The following LRRC17 variants were observed in gnomAD, a reference collection of about 807,000 sequenced individuals.
LRRC17 encodes the protein leucine rich repeat containing 17.
LRRC17 carries 33 observed loss-of-function variants against 41.5 expected under a neutral mutation model. The ratio of observed to expected loss-of-function variants is 0.80; its 90% CI spans 0.60 to 1.06. The LOEUF (loss-of-function observed/expected upper bound fraction) is 1.06. Among genes scored for constraint, LRRC17 ranks in the 50% least tolerant of loss-of-function variants. LRRC17 has a pLI of 0.00. For synonymous variants in LRRC17, 192 were observed against 197.0 expected (o/e 0.97, Z 0.21); for missense variants, 491 against 519.3 (o/e 0.95, Z 0.53).
At chr7:102,916,618 A>G (rs1471442012) in intron 1 of LRRC17, among the ~76,000 whole-genome samples, 1 of 152,176 alleles carries the variant, frequency 6.6e-6, no homozygotes. Context: ...AATTTTGTGC[A>G]ATACTCATAC....
Position 102,944,839 on chromosome 7 carries a change from G to A in LRRC17, c.*232G>A. The A allele has an allele frequency of 2.4e-6, 1 of 425,240 alleles. No homozygotes were observed. Among genetic ancestry groups the A allele is most frequent in the Non-Finnish European group, 4.1e-6 (1 of 243,586 alleles). 26.3% of individuals were successfully genotyped at this position (425,240 alleles called of 1,614,324 possible). On this transcript the variant is annotated 3_prime_UTR_variant, in exon 4 of 4. Transcript: ENST00000339431. Reference sequence around the variant, plus strand: ...ATCTGGTGATATGCAATTCCACACTGGTAACCTGCAGCAGTTGGGTCCTAA... The same window carrying A: ...ATCTGGTGATATGCAATTCCACACTAGTAACCTGCAGCAGTTGGGTCCTAA...
chr7:102,924,566 T>C lies in LRRC17; in HGVS notation c.-140-9208T>C, dbSNP rs142624689. Among the ~76,000 whole-genome samples, 27 of 151,764 alleles carry C rather than the reference T, an allele frequency of 1.8e-4. No homozygotes were observed. In the East Asian group the frequency reaches 4.6e-3, roughly 26 times the overall value. On this transcript the variant is annotated intron_variant, in intron 1 of 3. Coordinates refer to ENST00000339431, the MANE Select transcript of LRRC17 (RefSeq NM_001031692.3). ...GAAAATATGGTGCCACTTCTTAGGCTGGTACATTTGCAGAAAATGGTTAGA... is the reference window on the plus strand; with the variant it reads ...GAAAATATGGTGCCACTTCTTAGGCCGGTACATTTGCAGAAAATGGTTAGA...
At chr7:102,920,177 T>C (rs1816704164) in intron 1 of LRRC17, among the ~76,000 whole-genome samples, 1 of 152,190 alleles carries the variant, frequency 6.6e-6, no homozygotes, top group Non-Finnish European at 1.5e-5. Context: ...AAATGCCTGT[T>C]AAAGTATGTT....
intron 1 of LRRC17, among the ~76,000 whole-genome samples, chr7:102,923,692 C>T (rs992708502): frequency 4.2e-4 from 64 of 151,790 alleles, no homozygotes; most frequent in African/African-American, 4.1e-4. Context: ...GGCGTGGTGG[C>T]GGGCGCCTGT....
At chr7:102,924,643 T>G (rs1030517890) in intron 1 of LRRC17, among the ~76,000 whole-genome samples, 1 of 145,126 alleles carries the variant, frequency 6.9e-6, no homozygotes, top group African/African-American at 2.5e-5. Flanking sequence ...AAGCTTTTCT[T>G]TTTTTTTTTT....
At chr7:102,940,729 A>G (rs1221090404) in intron 3 of LRRC17, among the ~76,000 whole-genome samples, 1 of 152,208 alleles carries the variant, frequency 6.6e-6, no homozygotes, top group African/African-American at 2.4e-5. Context: ...TTGCTAAGCA[A>G]AGCCTCTGGC....
At chr7:102,931,215 G>A (rs1301268989) in intron 1 of LRRC17, among the ~76,000 whole-genome samples, 1 of 152,218 alleles carries the variant, frequency 6.6e-6, no homozygotes, top group Non-Finnish European at 1.5e-5. Flanking sequence ...GCAGGAAAAG[G>A]AAACTCAGCA....
chr7:102,925,348 T>A (rs975446549), intron 1 of LRRC17, among the ~76,000 whole-genome samples: 1 of 152,154 alleles, frequency 6.6e-6, no homozygotes, highest in African/African-American at 2.4e-5. Flanking sequence ...TAAGCCATGA[T>A]TGTACCATTG....
chr7:102,917,933 C>T (rs546406768), intron 1 of LRRC17, among the ~76,000 whole-genome samples: 1 of 152,120 alleles, frequency 6.6e-6, no homozygotes, highest in South Asian at 2.1e-4. Flanking sequence ...AGGCAGCCCT[C>T]ATTTTCAACT....
Position 102,944,421 on chromosome 7 carries a change from G to A in LRRC17, c.1140G>A (p.Thr380=), listed in dbSNP as rs751791821. The A allele has an allele frequency of 2.5e-5, 40 of 1,613,788 alleles. No homozygotes were observed. The highest frequency in any genetic ancestry group is 8.8e-5 in the South Asian group (8 of 91,042). Reference sequence around the variant, plus strand: ...ATTTTAATGGCCTGGAATGCAAAACGCCTGAAGAATACAAAGGATGGTCTG... The same window carrying A: ...ATTTTAATGGCCTGGAATGCAAAACACCTGAAGAATACAAAGGATGGTCTG... ...NVHFNGLECK[T]PEEYKGWSVG... is the part of the protein sequence containing the mutation. The change falls in exon 4 of 4, where the codon ACG becomes ACA. Residue 380 remains threonine, a synonymous_variant. Transcript: ENST00000339431.
At position 102,944,904 on chromosome 7, in the gene LRRC17, T is replaced by A. The variant is rs1822191573; in HGVS notation, c.*297T>A. On this transcript the variant is annotated 3_prime_UTR_variant, in exon 4 of 4. Coordinates refer to ENST00000339431, the MANE Select transcript of LRRC17 (RefSeq NM_001031692.3). Reference sequence around the variant, plus strand: ...TTTCATAATGTCCTGTATAAATGTTTTTACTGCTTTTAGAAAATAAAGAAA... The same window carrying A: ...TTTCATAATGTCCTGTATAAATGTTATTACTGCTTTTAGAAAATAAAGAAA... 2 of 240,278 alleles carry A rather than the reference T, an allele frequency of 8.3e-6. No individual in the cohort carries two copies. Among genetic ancestry groups the A allele is most frequent in the Non-Finnish European group, 1.6e-5 (2 of 127,066 alleles). The allele number at this position is 240,278 out of a possible 1,614,324, so 14.9% of individuals were successfully genotyped here. A position where few individuals can be genotyped will look rare whatever the true frequency, so the allele number is the denominator to read the frequency against.
chr7:102,922,116 C>T (rs758673058), intron 1 of LRRC17, among the ~76,000 whole-genome samples: 7 of 150,698 alleles, frequency 4.6e-5, no homozygotes, highest in African/African-American at 7.3e-5. Flanking sequence ...CTTGAGCCCG[C>T]GAGGCGGAGG....
At chr7:102,943,353 C>CA (rs1254669013) in intron 3 of LRRC17, among the ~76,000 whole-genome samples, 27 of 147,740 alleles carry the variant, frequency 1.8e-4, no homozygotes, top group African/African-American at 6.7e-4. Context: ...AAAAAAAGCC[C>CA]AAAATACATT....
At chr7:102,941,747 C>T (rs1312236744) in intron 3 of LRRC17, among the ~76,000 whole-genome samples, 1 of 131,334 alleles carries the variant, frequency 7.6e-6, no homozygotes, top group Non-Finnish European at 1.6e-5. Context: ...AAAGCTGTCT[C>T]AAAAAAAAAA....
intron 1 of LRRC17, among the ~76,000 whole-genome samples, chr7:102,930,140 A>G (rs1818900986): frequency 6.6e-6 from 1 of 152,180 alleles, no homozygotes. Context: ...GAAATAGAGT[A>G]GAATTTTGAA....
At chr7:102,936,933 C>A (rs572250920) in intron 2 of LRRC17, among the ~76,000 whole-genome samples, 1 of 152,102 alleles carries the variant, frequency 6.6e-6, no homozygotes, top group Non-Finnish European at 1.5e-5. Context: ...CCTTTTTTCC[C>A]ATATTTTTCT....
At position 102,931,366 on chromosome 7, in the gene LRRC17, G is replaced by A. The variant is rs191512272; in HGVS notation, c.-140-2408G>A. Among the ~76,000 whole-genome samples, 5 of 152,274 alleles carry A rather than the reference G, an allele frequency of 3.3e-5. No individual in the cohort carries two copies. In the South Asian group the frequency reaches 6.2e-4, roughly 19 times the overall value. ...GGCTTTATCCAACTGTGTAGATGAC[G>A]GCAGTGTGTGTAGCTGGTGGAAGAT... On this transcript the variant is annotated intron_variant, in intron 1 of 3. Coordinates refer to ENST00000339431, the MANE Select transcript of LRRC17 (RefSeq NM_001031692.3).
rs544807631 is a variant in LRRC17 at position 102,927,658 on chromosome 7, G to A, written c.-140-6116G>A. Among the ~76,000 whole-genome samples the A allele has an allele frequency of 2.0e-4, 30 of 152,270 alleles. No homozygotes were observed. In the South Asian group the frequency reaches 5.0e-3, roughly 25 times the overall value. ...ATCTCTGTGATTCTGCTATAGGGAA[G>A]GTTCTATGCACCCATGCTGCATGAG... is the stretch of plus-strand genomic sequence containing the variant. On this transcript the variant is annotated intron_variant, in intron 1 of 3. Transcript: ENST00000339431.
At chr7:102,916,803 T>C (rs1815972009) in intron 1 of LRRC17, among the ~76,000 whole-genome samples, 1 of 151,170 alleles carries the variant, frequency 6.6e-6, no homozygotes, top group African/African-American at 2.4e-5. Context: ...GGGGGGGGTG[T>C]GAGTCCTCTC....
Sources: gnomAD v4.1 joint callset for allele counts (sites outside exome capture counted in the v4.1 genomes callset) on GRCh38, gnomAD v4.1.1 for gene constraint, MANE v1.5 for transcripts, NCBI Gene and HGNC (gene_info 2026-07-23, HGNC 2026-07-21) for gene names.